Variants in COPB1 observed in about 807,000 individuals in gnomAD.
COPB1 encodes coat protein complex I subunit beta 1, also known as coatomer subunit beta.
Under a neutral mutation model 108.7 loss-of-function variants are expected in COPB1, and 21 were observed. The observed-to-expected ratio is 0.19, with a 90% CI of 0.14 to 0.28. The LOEUF (loss-of-function observed/expected upper bound fraction) is 0.28, where lower values mean the gene tolerates loss of function less well. Among genes scored for constraint, COPB1 ranks in the 10% least tolerant of loss-of-function variants. The pLI is 1.00. For missense variants in COPB1, 919 were observed against 1,141.3 expected, an observed-to-expected ratio of 0.81 and a Z score of 2.81; for synonymous variants, 378 against 386.8, an observed-to-expected ratio of 0.98 and a Z score of 0.27.
At position 14,469,474 on chromosome 11, in the gene COPB1, A is replaced by G. The variant is rs1433279645; in HGVS notation, c.1827T>C (p.Asp609=). 2.5e-6 allele frequency: 4 copies of G among 1,614,090 alleles called. No individual in the cohort carries two copies. Among genetic ancestry groups the G allele is most frequent in the South Asian group, 1.1e-5 (1 of 91,084 alleles). ...TGAGGCACAGGGAAATTCGATCCAC[A>G]TCATCATCAGTAATTGGCTTCTTAG... is the stretch of plus-strand genomic sequence containing the variant. ...SLPKKPITDD[D]VDRISLCLKV... The change falls in exon 15 of 22, where the codon GAT becomes GAC. Residue 609 remains aspartate, a synonymous_variant. Coordinates refer to ENST00000439561, the MANE Select transcript of COPB1 (RefSeq NM_001144061.2).
At chr11:14,498,774 T>C in intron 2 of COPB1, 64 bp downstream of exon 2, 8 of 1,289,028 alleles carry the variant, frequency 6.2e-6, no homozygotes, top group Non-Finnish European at 8.6e-6. Flanking sequence ...GAATATGAAA[T>C]ATGAGTTTTT....
At chr11:14,471,814 C>T (rs939056094) in intron 14 of COPB1, among the ~76,000 whole-genome samples, 1 of 151,862 alleles carries the variant, frequency 6.6e-6, no homozygotes, top group African/African-American at 2.4e-5. Context: ...CCCAGCTACT[C>T]GGGAGGCTGA....
rs747883639 is a variant in COPB1, at chr11:14,461,275, G to A, written c.2467C>T (p.His823Tyr). The A allele has an allele frequency of 6.2e-7, 1 of 1,614,112 alleles. No individual in the cohort carries two copies. Among genetic ancestry groups the A allele is most frequent in the South Asian group, 1.1e-5 (1 of 91,076 alleles). The change falls in exon 19 of 22, where the codon CAC (histidine) becomes TAC (tyrosine). Residue 823 changes from histidine (H) to tyrosine (Y), a missense_variant. By Grantham distance (83) the His-to-Tyr change is moderately conservative (BLOSUM62 2). Coordinates refer to ENST00000439561, the MANE Select transcript of COPB1 (RefSeq NM_001144061.2). ...TGGATATAGTCCATGATGTCGATGT[G>A]AATATCACTGAGAACCACACAATTT... ...DRNCVVLSDI[H>Y]IDIMDYIQPA...
chr11:14,484,697 G>A lies in COPB1; in HGVS notation c.838-1546C>T, dbSNP rs530194634. 1.1e-4 allele frequency among the ~76,000 whole-genome samples: 16 copies of A among 152,228 alleles called. No homozygotes were observed. The East Asian group carries it at 3.1e-3, about 29-fold the overall frequency. Reference sequence around the variant, plus strand: ...CCCACCAGTATCTTCCAACCTGAGCGACGGAGTGAGACTCCGTCTCAAAAA... The same window carrying A: ...CCCACCAGTATCTTCCAACCTGAGCAACGGAGTGAGACTCCGTCTCAAAAA... On this transcript the variant is annotated intron_variant, in intron 7 of 21. Transcript: ENST00000439561.
At chr11:14,494,691 G>A (rs1850978699) in intron 2 of COPB1, 2 of 341,624 alleles carry the variant, frequency 5.9e-6, no homozygotes, top group African/African-American at 4.2e-5. Context: ...TAGATTTCTG[G>A]TTCCTAACCA....
rs561405257 is a variant in COPB1, at chr11:14,457,595, C to A, written c.*229G>T. 5.6e-4 allele frequency: 216 copies of A among 388,120 alleles called. No homozygotes were observed. Among genetic ancestry groups the A allele is most frequent in the Non-Finnish European group, 1.6e-4 (33 of 207,494 alleles). 24.0% of individuals were successfully genotyped at this position (388,120 alleles called of 1,614,324 possible). ...TTGTACTGTGAAAAGGGTCTTGGTA[C>A]ATGAAACATTATATACTTTGAGGAC... On this transcript the variant is annotated 3_prime_UTR_variant, in exon 22 of 22. Coordinates refer to ENST00000439561, the MANE Select transcript of COPB1 (RefSeq NM_001144061.2).
chr11:14,494,517 C>T (rs1454971653), intron 2 of COPB1, 78 bp from the exon 3 acceptor site: 1 of 853,424 alleles, frequency 1.2e-6, no homozygotes, highest in African/African-American at 1.7e-5. Flanking sequence ...AAGCAATTAA[C>T]AAAATAAAAT....
At position 14,457,780 on chromosome 11, in the gene COPB1, A is replaced by G. The variant is rs758208885; in HGVS notation, c.*44T>C. 1.6e-5 allele frequency: 20 copies of G among 1,243,850 alleles called. No individual in the cohort carries two copies. The highest frequency in any genetic ancestry group is 1.4e-4 in the Admixed American group (8 of 58,550). The allele number at this position is 1,243,850 out of a possible 1,614,324, so 77.1% of individuals were successfully genotyped here. A position where few individuals can be genotyped will look rare whatever the true frequency, so the allele number is the denominator to read the frequency against. ...AAAGATGTTGGAGTCCAGTAAGCCC[A>G]TACCTAAATTAACTGTAAAGCTTCA... On this transcript the variant is annotated 3_prime_UTR_variant, in exon 22 of 22. Transcript: ENST00000439561.
At chr11:14,495,361 G>C (rs528845310) in intron 2 of COPB1, among the ~76,000 whole-genome samples, 13 of 152,206 alleles carry the variant, frequency 8.5e-5, no homozygotes, top group Admixed American at 2.6e-4. Context: ...CCATTATGAG[G>C]AAAAGAACTA....
chr11:14,473,969 A>T (rs1850463961), intron 14 of COPB1: 1 of 152,206 alleles, frequency 6.6e-6, no homozygotes, highest in African/African-American at 2.4e-5. Context: ...ATCATTTTTT[A>T]AAAAAGATAT....
chr11:14,467,919 TTAA>T (rs1850319289), intron 16 of COPB1, among the ~76,000 whole-genome samples: 1 of 152,108 alleles, frequency 6.6e-6, no homozygotes, highest in South Asian at 2.1e-4. Flanking sequence ...GAGTTATTGT[TTAA>T]TGGACATAGT....
intron 3 of COPB1, 51 bp from the exon 4 acceptor site, chr11:14,493,862 A>T: frequency 7.1e-7 from 1 of 1,416,480 alleles, no homozygotes; most frequent in Non-Finnish European, 9.4e-7. Flanking sequence ...TTTTACAAAA[A>T]GAAAATTTTA....
At position 14,458,658 on chromosome 11, in the gene COPB1, T is replaced by C. The variant is rs1406606771; in HGVS notation, c.2676A>G (p.Ala892=). 4 of 1,612,512 alleles carry C rather than the reference T, an allele frequency of 2.5e-6. No individual in the cohort carries two copies. Among genetic ancestry groups the C allele is most frequent in the East Asian group, 4.5e-5 (2 of 44,804 alleles). The change falls in exon 21 of 22, where the codon GCA becomes GCG. Residue 892 remains alanine, a synonymous_variant. Coordinates refer to ENST00000439561, the MANE Select transcript of COPB1 (RefSeq NM_001144061.2). The part of the protein sequence containing the change: ...KALSGYCGFM[A]ANLYARSIFG... Reference sequence around the variant, plus strand: ...ATATGGAACGAGCATAAAGGTTGGCTGCCATAAAGCCACAGTAACCAGAAA... The same window carrying C: ...ATATGGAACGAGCATAAAGGTTGGCCGCCATAAAGCCACAGTAACCAGAAA...
Position 14,494,419 on chromosome 11 carries a change from T to G in COPB1, c.112A>C (p.Lys38Gln), listed in dbSNP as rs1850972197. 6.3e-7 allele frequency: 1 copy of G among 1,585,564 alleles called. No individual in the cohort carries two copies. The highest frequency in any genetic ancestry group is 1.3e-5 in the African/African-American group (1 of 74,160). Residue 38 changes from lysine to glutamine, a missense_variant, in exon 3 of 22, where the codon AAG becomes CAG. Transcript: ENST00000439561. Reference protein sequence around the residue: ...NDLEKGDVKSKTEALKKVIIM... With the variant: ...NDLEKGDVKSQTEALKKVIIM... ...ATTACTTTCTTCAAAGCTTCAGTCT[T>G]TGACTTTACATCTCCTTTTTCTGAA...
At chr11:14,491,474 A>C (rs539934364) in intron 4 of COPB1, among the ~76,000 whole-genome samples, 2 of 152,162 alleles carry the variant, frequency 1.3e-5, no homozygotes, top group African/African-American at 4.8e-5. Flanking sequence ...GTTTGAGATG[A>C]GCCTGACCAA....
intron 8 of COPB1, among the ~76,000 whole-genome samples, chr11:14,481,711 G>A (rs1456266313): frequency 2.0e-5 from 3 of 152,136 alleles, no homozygotes; most frequent in South Asian, 2.1e-4. Flanking sequence ...AAAACAATTC[G>A]AAACTGATAA....
intron 14 of COPB1, among the ~76,000 whole-genome samples, chr11:14,473,663 C>T (rs116138267): frequency 0.013 from 2,001 of 152,022 alleles, 38 homozygotes; most frequent in African/African-American, 0.046. Context: ...ATGATAGTAA[C>T]ATTAAAGATC....
intron 14 of COPB1, among the ~76,000 whole-genome samples, chr11:14,473,771 T>C (rs752691371): frequency 1.7e-4 from 26 of 151,396 alleles, no homozygotes; most frequent in Middle Eastern, 3.2e-3. Flanking sequence ...GAAGTGAGCA[T>C]ATGCTTATTT....
At chr11:14,488,466 T>G (rs112586995) in intron 6 of COPB1, 26 bp downstream of exon 6, 12 of 1,451,308 alleles carry the variant, frequency 8.3e-6, no homozygotes, top group South Asian at 2.5e-5. Context: ...GAGTTTATTT[T>G]ACTCATCATA....
Sources: gnomAD v4.1 joint callset for allele counts (sites outside exome capture counted in the v4.1 genomes callset) on GRCh38, gnomAD v4.1.1 for gene constraint, MANE v1.5 for transcripts, NCBI Gene and HGNC (gene_info 2026-07-23, HGNC 2026-07-21) for gene names.